Variants in WASHC2C observed in about 807,000 individuals in gnomAD.
The protein encoded by WASHC2C is WASH complex subunit 2C, also known as Vaccinia Penetration Factor.
In WASHC2C, 73 loss-of-function variants were observed where a neutral mutation model predicts 142.2. That is an observed-to-expected ratio of 0.51 (90% CI 0.43 to 0.62). The LOEUF (loss-of-function observed/expected upper bound fraction) is 0.62, where lower values mean the gene tolerates loss of function less well. Ranked by LOEUF, WASHC2C falls within the 20% of genes least tolerant of loss-of-function variation. WASHC2C has a pLI of 0.00. For missense variants in WASHC2C, 969 were observed against 1,531.7 expected (o/e 0.63, Z 6.13); for synonymous variants, 337 against 565.5 (o/e 0.60, Z 5.73).
At chr10:45,774,817 G>C (rs1188006184) in intron 21 of WASHC2C, among the ~76,000 whole-genome samples, 2 of 132,574 alleles carry the variant, frequency 1.5e-5, no homozygotes, top group Admixed American at 7.6e-5. Context: ...CTGTTATATA[G>C]AAAATGGGAA....
In WASHC2C at chr10:45,750,800, A is replaced by G. The variant is rs1273941787; in HGVS notation, c.893A>G (p.Lys298Arg). The change falls in exon 10 of 31, where the codon AAG becomes AGG. Residue 298 changes from lysine (K) to arginine (R), a missense_variant. By Grantham distance (26) the Lys-to-Arg change is conservative (BLOSUM62 2). Transcript: ENST00000623400. ...SFADELAARIKGDAMGRVDEE... is the reference protein window; with the variant it reads ...SFADELAARIRGDAMGRVDEE... ...GCAGATGAGCTGGCTGCCCGCATCA[A>G]GGGGGATGCCATGGGTCGAGTGGAC... 10 of 1,548,780 alleles carry G rather than the reference A, an allele frequency of 6.5e-6. 1 individual carries two copies. The African/African-American group carries it at 1.3e-4, about 19-fold the overall frequency.
chr10:45,760,041 T>G (rs1202526918), intron 17 of WASHC2C, among the ~76,000 whole-genome samples: 2 of 149,272 alleles, frequency 1.3e-5, no homozygotes, highest in African/African-American at 5.0e-5. Flanking sequence ...TTTATTCACA[T>G]TCTCACTAAC....
intron 16 of WASHC2C, among the ~76,000 whole-genome samples, chr10:45,758,921 C>G (rs2054681635): frequency 6.6e-6 from 1 of 150,818 alleles, no homozygotes; most frequent in Non-Finnish European, 1.5e-5. Flanking sequence ...TCCTGTACAG[C>G]TGGTCCCTCC....
intron 19 of WASHC2C, among the ~76,000 whole-genome samples, chr10:45,768,189 T>G (rs2056146981): frequency 1.4e-5 from 2 of 145,974 alleles, no homozygotes; most frequent in Admixed American, 1.4e-4. Context: ...ACCGCGCCAC[T>G]GCACTCCAGC....
intron 10 of WASHC2C, among the ~76,000 whole-genome samples, chr10:45,751,138 C>G (rs1388859236): frequency 6.6e-6 from 1 of 151,974 alleles, no homozygotes; most frequent in South Asian, 2.1e-4. Flanking sequence ...TTAAGAATTC[C>G]TGGCTGAATA....
At chr10:45,790,187 G>A (rs1325604258) in intron 29 of WASHC2C, among the ~76,000 whole-genome samples, 169 bp from the exon 30 acceptor site, 12 of 152,154 alleles carry the variant, frequency 7.9e-5, no homozygotes, top group Admixed American at 4.6e-4. Flanking sequence ...TGAGATGCGC[G>A]GGCCAAGCTG....
chr10:45,734,424 C>T (rs1256070637), intron 3 of WASHC2C, among the ~76,000 whole-genome samples: 1 of 150,238 alleles, frequency 6.7e-6, no homozygotes, highest in Non-Finnish European at 1.5e-5. Context: ...TTAATGTGAA[C>T]TTATTTAACC....
At position 45,727,466 on chromosome 10, in the gene WASHC2C, T is replaced by C. The variant is rs2049991783; in HGVS notation, c.53T>C (p.Val18Ala). 1.9e-6 allele frequency: 3 copies of C among 1,610,018 alleles called. No homozygotes were observed. The highest frequency in any genetic ancestry group is 2.5e-6 in the Non-Finnish European group (3 of 1,179,154). ...GAGCTGGTGCCGGCGTCGGAGCCCG[T>C]GTGGGAGCGGCCGTGGTCGGTGGAG... ...DQELVPASEP[V>A]WERPWSVEEI... Residue 18 changes from valine to alanine, a missense_variant, in exon 2 of 31, where the codon GTG (valine) becomes GCG (alanine). By Grantham distance (64) the Val-to-Ala change is moderately conservative. Transcript: ENST00000623400.
Position 45,784,616 on chromosome 10 carries a change from G to A in WASHC2C, c.2530G>A (p.Glu844Lys). 1 of 1,610,552 alleles carries A rather than the reference G, an allele frequency of 6.2e-7. No homozygotes were observed. The highest frequency in any genetic ancestry group is 1.1e-5 in the South Asian group (1 of 90,888). Residue 844 changes from glutamate to lysine, a missense_variant, in exon 24 of 31, where the codon GAG becomes AAG. Glu to Lys is a moderately conservative substitution (Grantham distance 56). Coordinates refer to ENST00000623400, the MANE Select transcript of WASHC2C (RefSeq NM_001330074.2). ...PKSTGVFQDEELLFSHKLQKD... is the reference protein window; with the variant it reads ...PKSTGVFQDEKLLFSHKLQKD... ...GAGCACAGGTGTCTTCCAGGATGAA[G>A]AGCTGCTTTTCAGCCACAAGCTCCA...
chr10:45,791,939 T>G (rs1302413274), intron 30 of WASHC2C, among the ~76,000 whole-genome samples: 1 of 146,024 alleles, frequency 6.8e-6, no homozygotes, highest in Admixed American at 7.1e-5. Flanking sequence ...AATATCTAAA[T>G]AAGTCCATTG....
At chr10:45,766,296 A>G (rs2055810927) in intron 19 of WASHC2C, among the ~76,000 whole-genome samples, 2 of 152,274 alleles carry the variant, frequency 1.3e-5, no homozygotes, top group Admixed American at 6.5e-5. Flanking sequence ...AAGGGGTGTG[A>G]CCTGATGGGA....
rs1176399130 is a variant in WASHC2C at position 45,789,168 on chromosome 10, C to G, written c.3385C>G (p.Leu1129Val). ...GGGTCATTCCAGAGGGGAGGCTGACCTTTTTGATTCTGGGGACATTTTTTC... is the reference window on the plus strand; with the variant it reads ...GGGTCATTCCAGAGGGGAGGCTGACGTTTTTGATTCTGGGGACATTTTTTC... ...SLGHSRGEAD[L>V]FDSGDIFSTG... Residue 1129 changes from leucine (L) to valine (V), a missense_variant, in exon 29 of 31, where the codon CTT becomes GTT. Transcript: ENST00000623400. 16 of 1,611,938 alleles carry G rather than the reference C, an allele frequency of 9.9e-6. No homozygotes were observed. In the African/African-American group the frequency reaches 1.5e-4, roughly 15 times the overall value.
At chr10:45,788,377 C>T (rs2058198328) in intron 28 of WASHC2C, among the ~76,000 whole-genome samples, 1 of 152,162 alleles carries the variant, frequency 6.6e-6, no homozygotes, top group African/African-American at 2.4e-5. Context: ...AAAACAGCAC[C>T]TTAGATTACC....
intron 2 of WASHC2C, 58 bp downstream of exon 2, chr10:45,727,597 A>T: frequency 6.6e-7 from 1 of 1,510,296 alleles, no homozygotes. Flanking sequence ...GCTTGCGCGC[A>T]GGAGGGCCGG....
intron 3 of WASHC2C, among the ~76,000 whole-genome samples, chr10:45,736,945 C>G (rs555644204): frequency 1.3e-5 from 2 of 152,266 alleles, no homozygotes; most frequent in South Asian, 4.1e-4. Context: ...TTTATATTGA[C>G]TTCTTATTTC....
upstream of WASHC2C, chr10:45,727,144 C>T (rs1589511234): frequency 7.0e-7 from 1 of 1,430,590 alleles, no homozygotes; most frequent in East Asian, 2.7e-5. Context: ...TCCACTTCCG[C>T]AGCTTCCTCC....
intron 21 of WASHC2C, among the ~76,000 whole-genome samples, chr10:45,773,826 A>G (rs2056832567): frequency 6.6e-6 from 1 of 150,712 alleles, no homozygotes; most frequent in African/African-American, 2.5e-5. Context: ...TAGACTGTGG[A>G]ATACTATACA....
At position 45,752,629 on chromosome 10, in the gene WASHC2C, G is replaced by T; in HGVS notation, c.1045G>T (p.Glu349Ter). The change falls in exon 12 of 31, where the codon GAG becomes TAG. Residue 349 changes from glutamate (E) to a stop codon, truncating the protein, a stop_gained. Transcript: ENST00000623400. LOFTEE classifies it high-confidence loss of function. ...NLFAPPKLTD[E>*]DFSPFGSGGG... ...ATTCGCACCCCCCAAGCTGACCGAC[G>T]AGGACTTCTCGCCATTTGGCTCTGG... 1 of 1,609,906 alleles carries T rather than the reference G, an allele frequency of 6.2e-7. No homozygotes were observed. Among genetic ancestry groups the T allele is most frequent in the Non-Finnish European group, 8.5e-7 (1 of 1,178,872 alleles).
At chr10:45,772,693 G>A (rs2056707640) in intron 20 of WASHC2C, among the ~76,000 whole-genome samples, 1 of 152,186 alleles carries the variant, frequency 6.6e-6, no homozygotes, top group Non-Finnish European at 1.5e-5. Context: ...TCCAGCCTGG[G>A]CAGTAGAGTG....
Sources: gnomAD v4.1 joint callset for allele counts (sites outside exome capture counted in the v4.1 genomes callset) on GRCh38, gnomAD v4.1.1 for gene constraint, MANE v1.5 for transcripts, NCBI Gene and HGNC (gene_info 2026-07-23, HGNC 2026-07-21) for gene names.